Variants in PTBP3 observed in about 807,000 individuals in gnomAD.
PTBP3 encodes the protein polypyrimidine tract binding protein 3.
PTBP3 carries 20 observed loss-of-function variants against 58.7 expected under a neutral mutation model. The ratio of observed to expected loss-of-function variants is 0.34; its 90% CI spans 0.24 to 0.50. The LOEUF is 0.50. Among genes scored for constraint, PTBP3 ranks in the 20% least tolerant of loss-of-function variants. The pLI is 0.98. For missense variants in PTBP3, 509 were observed against 637.2 expected (o/e 0.80, Z 2.17); for synonymous variants, 185 against 219.8 (o/e 0.84, Z 1.40).
chr9:112,304,793 G>T (rs1158657592), intron 1 of PTBP3, among the ~76,000 whole-genome samples: 1 of 151,966 alleles, frequency 6.6e-6, no homozygotes, highest in Non-Finnish European at 1.5e-5. Flanking sequence ...CTGATTGATC[G>T]CTTATTTTTT....
At chr9:112,261,854 G>A (rs1225843982) in intron 5 of PTBP3, among the ~76,000 whole-genome samples, 2 of 152,046 alleles carry the variant, frequency 1.3e-5, no homozygotes, top group Non-Finnish European at 2.9e-5. Context: ...TCAATTATTT[G>A]GGTTTTGGAT....
chr9:112,351,746 C>T, the PTBP3 span, among the ~76,000 whole-genome samples: 1 of 151,890 alleles, frequency 6.6e-6, no homozygotes, highest in African/African-American at 2.4e-5. Flanking sequence ...CATTTTGTTG[C>T]CCAAATTTTT....
intron 4 of PTBP3, among the ~76,000 whole-genome samples, chr9:112,264,975 A>C (rs1836737555): frequency 6.6e-6 from 1 of 152,212 alleles, no homozygotes; most frequent in South Asian, 2.1e-4. Context: ...GAAAGACATA[A>C]AAGAAAACAA....
the PTBP3 span, among the ~76,000 whole-genome samples, chr9:112,349,433 G>T: frequency 2.6e-5 from 4 of 152,094 alleles, no homozygotes; most frequent in Non-Finnish European, 5.9e-5. Context: ...CCTGAAGAGG[G>T]AATCACAGGA....
chr9:112,262,288 T>G (rs1836628631), intron 5 of PTBP3, 147 bp downstream of exon 5: 2 of 658,728 alleles, frequency 3.0e-6, no homozygotes, highest in Admixed American at 4.2e-5. Context: ...TTACCTCTAA[T>G]TTCTATGAAA....
the PTBP3 span, among the ~76,000 whole-genome samples, chr9:112,373,520 G>A: frequency 3.9e-5 from 6 of 152,036 alleles, no homozygotes; most frequent in African/African-American, 1.2e-4. Flanking sequence ...CAGACACACC[G>A]AGGATCAATA....
At chr9:112,268,593 TG>T (rs922991106) in intron 3 of PTBP3, among the ~76,000 whole-genome samples, 3 of 85,340 alleles carry the variant, frequency 3.5e-5, no homozygotes, top group African/African-American at 1.4e-4. Flanking sequence ...CTACTTGGGG[TG>T]GGGGGGTGAG....
chr9:112,241,067 G>T (rs1417010683), intron 7 of PTBP3, among the ~76,000 whole-genome samples: 1 of 151,976 alleles, frequency 6.6e-6, no homozygotes, highest in Non-Finnish European at 1.5e-5. Flanking sequence ...GAAAGTTGTA[G>T]TAAGCTAAGG....
At chr9:112,348,571 G>C in the PTBP3 span, among the ~76,000 whole-genome samples, 1 of 152,222 alleles carries the variant, frequency 6.6e-6, no homozygotes, top group African/African-American at 2.4e-5. Context: ...AGCCCACTCC[G>C]AAGGAAGAAT....
At chr9:112,226,851 C>A (rs1835007660) in intron 12 of PTBP3, among the ~76,000 whole-genome samples, 1 of 152,144 alleles carries the variant, frequency 6.6e-6, no homozygotes, top group South Asian at 2.1e-4. Context: ...ATAGGCCATA[C>A]AAAAACAGCC....
At chr9:112,316,906 A>C (rs1333837440) in intron 1 of PTBP3, among the ~76,000 whole-genome samples, 2 of 151,510 alleles carry the variant, frequency 1.3e-5, no homozygotes, top group Admixed American at 6.6e-5. Context: ...CGGAAGGCAG[A>C]GGCTGCAGTG....
At chr9:112,341,375 G>A in the PTBP3 span, among the ~76,000 whole-genome samples, 1 of 151,988 alleles carries the variant, frequency 6.6e-6, no homozygotes, top group Non-Finnish European at 1.5e-5. Flanking sequence ...CCAGTGATCC[G>A]CCTGCCTCGG....
chr9:112,339,815 C>T, the PTBP3 span, among the ~76,000 whole-genome samples: 1 of 152,088 alleles, frequency 6.6e-6, no homozygotes, highest in Non-Finnish European at 1.5e-5. Flanking sequence ...ATCTGCCCGC[C>T]TCAGCCTCCC....
At chr9:112,306,127 T>C (rs1829193597) in intron 1 of PTBP3, among the ~76,000 whole-genome samples, 1 of 152,142 alleles carries the variant, frequency 6.6e-6, no homozygotes, top group Non-Finnish European at 1.5e-5. Flanking sequence ...CTTCACATGG[T>C]TAAATAAATA....
At chr9:112,331,917 G>A (rs1350044264) in intron 1 of PTBP3, among the ~76,000 whole-genome samples, 4 of 152,112 alleles carry the variant, frequency 2.6e-5, no homozygotes, top group Non-Finnish European at 4.4e-5. Context: ...CAAAAAAATA[G>A]CCTGCTTCCA....
At chr9:112,254,505 C>G (rs1836267626) in intron 5 of PTBP3, among the ~76,000 whole-genome samples, 1 of 152,074 alleles carries the variant, frequency 6.6e-6, no homozygotes, top group Admixed American at 6.5e-5. Context: ...AGATCCAGAA[C>G]AGATAAAGAA....
chr9:112,250,035 A>T (rs1045655749), intron 7 of PTBP3, among the ~76,000 whole-genome samples: 1 of 152,126 alleles, frequency 6.6e-6, no homozygotes, highest in East Asian at 1.9e-4. Flanking sequence ...AAAATAATAA[A>T]AAAGCTTTTA....
At chr9:112,267,953 G>T in intron 4 of PTBP3, 96 bp downstream of exon 4, 2 of 1,182,568 alleles carry the variant, frequency 1.7e-6, no homozygotes, top group South Asian at 2.0e-5. Context: ...ATCCTAAAAT[G>T]AATAAAAGCA....
At chr9:112,305,551 C>G (rs766354364) in intron 1 of PTBP3, among the ~76,000 whole-genome samples, 1 of 152,178 alleles carries the variant, frequency 6.6e-6, no homozygotes, top group South Asian at 2.1e-4. Context: ...TGTGTCCACT[C>G]GACAACAGTA....
Sources: gnomAD v4.1 joint callset for allele counts (sites outside exome capture counted in the v4.1 genomes callset) on GRCh38, gnomAD v4.1.1 for gene constraint, MANE v1.5 for transcripts, NCBI Gene and HGNC (gene_info 2026-07-23, HGNC 2026-07-21) for gene names.